The following PRKAG2 variants were observed in gnomAD, a reference collection of about 807,000 sequenced individuals.
PRKAG2 encodes protein kinase AMP-activated non-catalytic subunit gamma 2.
In PRKAG2, 26 loss-of-function variants were observed where a neutral mutation model predicts 69.6. The observed-to-expected ratio is 0.37, with a 90% confidence interval of 0.27 to 0.52. The LOEUF (loss-of-function observed/expected upper bound fraction) is 0.52, where lower values mean the gene tolerates loss of function less well. Among genes scored for constraint, PRKAG2 ranks in the 20% least tolerant of loss-of-function variants. PRKAG2 has a pLI of 0.90. For synonymous variants in PRKAG2, 293 were observed against 285.0 expected, an observed-to-expected ratio of 1.03 and a Z score of -0.28; for missense variants, 557 against 740.0, an observed-to-expected ratio of 0.75 and a Z score of 2.87.
At chr7:151,766,769 G>A (rs546839749) in intron 3 of PRKAG2, among the ~76,000 whole-genome samples, 3 of 152,302 alleles carry the variant, frequency 2.0e-5, no homozygotes, top group South Asian at 4.1e-4. Flanking sequence ...ACACCTCTCC[G>A]AGCCAGTCCG....
chr7:151,755,322 G>A (rs2075012654), intron 3 of PRKAG2, among the ~76,000 whole-genome samples: 2 of 152,100 alleles, frequency 1.3e-5, no homozygotes, highest in African/African-American at 4.8e-5. Flanking sequence ...TTTTCTAGCA[G>A]AGGGCCTAGG....
intron 3 of PRKAG2, chr7:151,736,280 C>G: frequency 7.9e-7 from 1 of 1,273,424 alleles, no homozygotes; most frequent in Non-Finnish European, 1.0e-6. Context: ...AGCGTCAGCC[C>G]GGCTGTCCTT....
rs374537183 is a variant in PRKAG2, at chr7:151,557,125, C to A, written c.*76G>T. 8 of 1,605,852 alleles carry A rather than the reference C, an allele frequency of 5.0e-6. No individual in the cohort carries two copies. The East Asian group carries it at 1.8e-4, about 36-fold the overall frequency. ...GATATACATTCTTAACCACTTGCAG[C>A]CAGTGTTCATGAGGCAAAACGTGAC... On this transcript the variant is annotated 3_prime_UTR_variant, in exon 16 of 16. Coordinates refer to ENST00000287878, the MANE Select transcript of PRKAG2 (RefSeq NM_016203.4).
chr7:151,605,024 T>C (rs771879900), intron 5 of PRKAG2, among the ~76,000 whole-genome samples: 6 of 152,234 alleles, frequency 3.9e-5, no homozygotes, highest in Non-Finnish European at 8.8e-5. Flanking sequence ...TTTACTTATT[T>C]ATTTATTTTG....
At chr7:151,791,494 A>G (rs577120708) in intron 1 of PRKAG2, among the ~76,000 whole-genome samples, 8 of 152,282 alleles carry the variant, frequency 5.3e-5, no homozygotes, top group African/African-American at 1.7e-4. Context: ...GAGGACATTT[A>G]GGGGGCAACG....
intron 5 of PRKAG2, among the ~76,000 whole-genome samples, chr7:151,616,998 G>A (rs1329446849): frequency 4.6e-5 from 7 of 151,996 alleles, no homozygotes; most frequent in East Asian, 1.9e-4. Context: ...GGGGGCTCAC[G>A]CCTCAAATCC....
intron 1 of PRKAG2, among the ~76,000 whole-genome samples, chr7:151,873,745 G>A (rs35697533): frequency 2.6e-5 from 4 of 152,034 alleles, no homozygotes; most frequent in Non-Finnish European, 4.4e-5. Flanking sequence ...GTTTTTCAAC[G>A]TTCACGGCCT....
At chr7:151,750,771 C>T (rs73158201) in intron 3 of PRKAG2, among the ~76,000 whole-genome samples, 2,116 of 151,942 alleles carry the variant, frequency 0.014, 24 homozygotes, top group Middle Eastern at 0.054. Context: ...GTCCCAGCTA[C>T]TAAGGAGGCT....
chr7:151,840,322 G>C (rs1250313506), intron 1 of PRKAG2, among the ~76,000 whole-genome samples: 1 of 152,108 alleles, frequency 6.6e-6, no homozygotes, highest in Non-Finnish European at 1.5e-5. Flanking sequence ...TGCCTGTGTA[G>C]AGAAAGCAGC....
At chr7:151,867,060 G>T (rs146800551) in intron 1 of PRKAG2, among the ~76,000 whole-genome samples, 1 of 152,164 alleles carries the variant, frequency 6.6e-6, no homozygotes, top group Non-Finnish European at 1.5e-5. Flanking sequence ...AGGAGGGGAC[G>T]CAAGGAAAGA....
chr7:151,604,645 TAC>T (rs1369447344), intron 5 of PRKAG2, among the ~76,000 whole-genome samples: 2 of 151,470 alleles, frequency 1.3e-5, no homozygotes, highest in African/African-American at 4.9e-5. Flanking sequence ...CACACACACA[TAC>T]ACACACACAT....
rs149422007 is a variant in PRKAG2, at chr7:151,665,457, A to C, written c.684+9963T>G. ...CTGCCTTCTTTCTGTTCATTGAGTC[A>C]TGATTCCAACAGTGCAGGAACATAG... On this transcript the variant is annotated intron_variant, in intron 4 of 15. Coordinates refer to ENST00000287878, the MANE Select transcript of PRKAG2 (RefSeq NM_016203.4). Among the ~76,000 whole-genome samples the C allele has an allele frequency of 1.4e-4, 22 of 152,316 alleles. 1 individual carries two copies. The highest frequency in any genetic ancestry group is 5.3e-4 in the African/African-American group (22 of 41,566).
chr7:151,731,841 TTTTG>T, intron 3 of PRKAG2, among the ~76,000 whole-genome samples: 1 of 152,216 alleles, frequency 6.6e-6, no homozygotes, highest in African/African-American at 2.4e-5. Flanking sequence ...CATCTAAGAT[TTTTG>T]TTTGTCTTTT....
intron 4 of PRKAG2, among the ~76,000 whole-genome samples, chr7:151,640,055 A>G (rs1220120554): frequency 6.6e-6 from 1 of 152,146 alleles, no homozygotes; most frequent in African/African-American, 2.4e-5. Flanking sequence ...TCACATGTGT[A>G]ATCCCAGCAC....
chr7:151,562,257 A>AG (rs1333133352), intron 14 of PRKAG2, among the ~76,000 whole-genome samples: 1 of 149,050 alleles, frequency 6.7e-6, no homozygotes, highest in Non-Finnish European at 1.5e-5. Flanking sequence ...AAAAAAAAAA[A>AG]AAAAAAAAAA....
At chr7:151,698,376 A>G (rs1347229667) in intron 3 of PRKAG2, among the ~76,000 whole-genome samples, 6 of 151,702 alleles carry the variant, frequency 4.0e-5, no homozygotes, top group Admixed American at 3.9e-4. Flanking sequence ...CATCGCTGGT[A>G]TGGTTTAGGT....
chr7:151,570,118 T>C lies in PRKAG2; in HGVS notation c.1106+53A>G, dbSNP rs1246269088. On this transcript the variant is annotated intron_variant, in intron 10 of 15. Coordinates refer to ENST00000287878, the MANE Select transcript of PRKAG2 (RefSeq NM_016203.4). ...TGTGTCTTTCTTTCTATCATGGTGA[T>C]AAAACACATACATCTGAATGAATGT... 4 of 1,561,246 alleles carry C rather than the reference T, an allele frequency of 2.6e-6. No homozygotes were observed. The South Asian group carries it at 3.4e-5, about 13-fold the overall frequency.
At chr7:151,647,524 T>G (rs1468249993) in intron 4 of PRKAG2, among the ~76,000 whole-genome samples, 1 of 152,180 alleles carries the variant, frequency 6.6e-6, no homozygotes, top group African/African-American at 2.4e-5. Context: ...AGGAAACCTT[T>G]GAGAGGAAGG....
intron 6 of PRKAG2, among the ~76,000 whole-genome samples, chr7:151,588,073 T>C (rs1812126427): frequency 6.6e-6 from 1 of 152,208 alleles, no homozygotes. Context: ...ACATTGCCAC[T>C]GTGAGGAAAA....
Sources: gnomAD v4.1 joint callset for allele counts (sites outside exome capture counted in the v4.1 genomes callset) on GRCh38, gnomAD v4.1.1 for gene constraint, MANE v1.5 for transcripts, NCBI Gene and HGNC (gene_info 2026-07-23, HGNC 2026-07-21) for gene names.